Variants in ACVR2B observed in about 807,000 individuals in gnomAD.
ACVR2B encodes activin receptor type-2B.
In ACVR2B, 18 loss-of-function variants were observed where a neutral mutation model predicts 65.1. The observed-to-expected ratio is 0.28, with a 90% CI of 0.19 to 0.41. The LOEUF (loss-of-function observed/expected upper bound fraction) is 0.41. Ranked by LOEUF, ACVR2B falls within the 10% of genes least tolerant of loss-of-function variation. ACVR2B has a pLI of 1.00. For synonymous variants in ACVR2B, 298 were observed against 277.7 expected (o/e 1.07, Z -0.73); for missense variants, 482 against 682.7 (o/e 0.71, Z 3.28).
intron 1 of ACVR2B, among the ~76,000 whole-genome samples, chr3:38,455,240 CAGT>C (rs951983370): frequency 1.1e-4 from 16 of 152,254 alleles, no homozygotes; most frequent in Admixed American, 6.5e-4. Flanking sequence ...TTCCCTCTCT[CAGT>C]GGTGCCGGGG....
Position 38,477,235 on chromosome 3 carries a change from G to A in ACVR2B, c.53-52G>A, listed in dbSNP as rs1709926958. On this transcript the variant is annotated intron_variant, in intron 1 of 10. Transcript: ENST00000352511. This position sits in a 1 kb window ranked among gnomAD's most constrained non-coding sequence, Gnocchi z 6.7. ...CACCCAGGACTGGGAGTAGGGGTTT[G>A]GGTGGTGGTCCCAGGGGCATGCTCA... The A allele has an allele frequency of 3.4e-5, 55 of 1,604,044 alleles. No homozygotes were observed. The South Asian group carries it at 5.9e-4, about 17-fold the overall frequency.
intron 1 of ACVR2B, among the ~76,000 whole-genome samples, chr3:38,471,263 A>C (rs488830): frequency 6.6e-6 from 1 of 152,224 alleles, no homozygotes; most frequent in Admixed American, 6.5e-5. Context: ...AGATACAAAC[A>C]AACAGTTCTC....
intron 1 of ACVR2B, among the ~76,000 whole-genome samples, chr3:38,464,280 A>G (rs1709694915): frequency 6.6e-6 from 1 of 152,240 alleles, no homozygotes; most frequent in Admixed American, 6.5e-5. Flanking sequence ...CTTGCTTAAT[A>G]CTGCCCATGG....
chr3:38,483,421 C>A lies in ACVR2B; in HGVS notation c.*89C>A. The stretch of plus-strand genomic sequence containing the variant: ...TTTTGTTTTGGAAATCCCATAAAAC[C>A]AACAAACACATAAAATGCAGCTGCT... On this transcript the variant is annotated 3_prime_UTR_variant, in exon 11 of 11. Coordinates refer to ENST00000352511, the MANE Select transcript of ACVR2B (RefSeq NM_001106.4). This position sits in a 1 kb window ranked among gnomAD's most constrained non-coding sequence, Gnocchi z 4.8. 2 of 1,237,600 alleles carry A rather than the reference C, an allele frequency of 1.6e-6. No homozygotes were observed. Among genetic ancestry groups the A allele is most frequent in the Non-Finnish European group, 1.2e-6 (1 of 849,882 alleles). 76.7% of individuals were successfully genotyped at this position (1,237,600 alleles called of 1,614,324 possible).
At chr3:38,454,454 A>G in intron 1 of ACVR2B, 80 bp downstream of exon 1, 3 of 1,162,372 alleles carry the variant, frequency 2.6e-6, no homozygotes, top group Non-Finnish European at 3.2e-6. Flanking sequence ...TTACCAACAA[A>G]GGGCGGGCCC....
rs1019078349 is a variant in ACVR2B at position 38,484,164 on chromosome 3, T to C, written c.*832T>C. 6.6e-6 allele frequency: 1 copy of C among 152,618 alleles called. No homozygotes were observed. The highest frequency in any genetic ancestry group is 2.4e-5 in the African/African-American group (1 of 41,438). The allele number at this position is 152,618 out of a possible 1,614,324, so 9.5% of individuals were successfully genotyped here. On this transcript the variant is annotated 3_prime_UTR_variant, in exon 11 of 11. Transcript: ENST00000352511. ...AGATTGGGTGCAGCCCTGACTTACC[T>C]GCTGGCCCTGACCAGTTTCTTTTCA...
chr3:38,490,831 T>G lies in ACVR2B; in HGVS notation c.*7499T>G, dbSNP rs1187632857. 6.5e-6 allele frequency: 1 copy of G among 152,694 alleles called. No homozygotes were observed. Among genetic ancestry groups the G allele is most frequent in the Non-Finnish European group, 1.5e-5 (1 of 68,080 alleles). 9.5% of individuals were successfully genotyped at this position (152,694 alleles called of 1,614,324 possible). A position where few individuals can be genotyped will look rare whatever the true frequency, so the allele number is the denominator to read the frequency against. On this transcript the variant is annotated 3_prime_UTR_variant, in exon 11 of 11. Transcript: ENST00000352511. ...TCCCAAGGACTGAAGAAAGGGCTTC[T>G]GGCAAGCTCGTCATGGCATTGTGGT... is the stretch of plus-strand genomic sequence containing the variant.
At chr3:38,475,110 C>T (rs1232552228) in intron 1 of ACVR2B, 2 of 152,320 alleles carry the variant, frequency 1.3e-5, no homozygotes. Context: ...CAGGGTGCTT[C>T]GAATAACCCA....
rs1167113813 is a variant in ACVR2B at position 38,489,830 on chromosome 3, G to C, written c.*6498G>C. On this transcript the variant is annotated 3_prime_UTR_variant, in exon 11 of 11. Transcript: ENST00000352511. ...GAATTATCTAAGATCACATTATCCAGGTTGGGGGGCAGAATTACCCAGTTA... is the reference window on the plus strand; with the variant it reads ...GAATTATCTAAGATCACATTATCCACGTTGGGGGGCAGAATTACCCAGTTA... The C allele has an allele frequency of 6.6e-6, 1 of 152,200 alleles. No homozygotes were observed. Among genetic ancestry groups the C allele is most frequent in the African/African-American group, 2.4e-5 (1 of 41,442 alleles). 9.4% of individuals were successfully genotyped at this position (152,200 alleles called of 1,614,324 possible). A position where few individuals can be genotyped will look rare whatever the true frequency, so the allele number is the denominator to read the frequency against.
intron 1 of ACVR2B, chr3:38,476,946 G>A (rs1401829503): frequency 2.4e-6 from 1 of 417,464 alleles, no homozygotes; most frequent in Non-Finnish European, 4.4e-6. Context: ...GGAGCCTCAG[G>A]TGTTGGTGCC....
Position 38,484,892 on chromosome 3 carries a change from G to A in ACVR2B, c.*1560G>A, listed in dbSNP as rs1710088067. On this transcript the variant is annotated 3_prime_UTR_variant, in exon 11 of 11. Coordinates refer to ENST00000352511, the MANE Select transcript of ACVR2B (RefSeq NM_001106.4). ...GTAAGTTGGCTTTTGTGACAAGGAA[G>A]TTTAAAAGAAATAGAGAAAAAGAAA... The A allele has an allele frequency of 6.6e-6, 1 of 152,626 alleles. No homozygotes were observed. Among genetic ancestry groups the A allele is most frequent in the East Asian group, 1.9e-4 (1 of 5,200 alleles). 9.5% of individuals were successfully genotyped at this position (152,626 alleles called of 1,614,324 possible). A position where few individuals can be genotyped will look rare whatever the true frequency, so the allele number is the denominator to read the frequency against.
At position 38,489,746 on chromosome 3, in the gene ACVR2B, A is replaced by T. The variant is rs1412171268; in HGVS notation, c.*6414A>T. 1 of 152,548 alleles carries T rather than the reference A, an allele frequency of 6.6e-6. No homozygotes were observed. Among genetic ancestry groups the T allele is most frequent in the Non-Finnish European group, 1.5e-5 (1 of 68,046 alleles). The allele number at this position is 152,548 out of a possible 1,614,324, so 9.4% of individuals were successfully genotyped here. On this transcript the variant is annotated 3_prime_UTR_variant, in exon 11 of 11. Coordinates refer to ENST00000352511, the MANE Select transcript of ACVR2B (RefSeq NM_001106.4). Reference sequence around the variant, plus strand: ...ATTGGGGTGGGATGGGACTCGAATAAGATTCAGGTACAAAAACTTTGAAAT... The same window carrying T: ...ATTGGGGTGGGATGGGACTCGAATATGATTCAGGTACAAAAACTTTGAAAT...
intron 1 of ACVR2B, among the ~76,000 whole-genome samples, chr3:38,463,438 G>T (rs1709681572): frequency 1.3e-5 from 2 of 152,208 alleles, no homozygotes; most frequent in Admixed American, 6.5e-5. Context: ...AGCTTTTCAT[G>T]ACAGAAGGAG....
chr3:38,483,315 A>C lies in ACVR2B; in HGVS notation c.1522A>C (p.Lys508Gln). 1 of 1,614,098 alleles carries C rather than the reference A, an allele frequency of 6.2e-7. No individual in the cohort carries two copies. Among genetic ancestry groups the C allele is most frequent in the African/African-American group, 1.3e-5 (1 of 75,026 alleles). ...TSVTNVDLPP[K>Q]ESSI ...TGTCACCAATGTGGACCTGCCCCCT[A>C]AAGAGTCAAGCATCTAAGCCCAGGA... The change falls in exon 11 of 11, where the codon AAA (lysine) becomes CAA (glutamine). Residue 508 changes from lysine to glutamine, a missense_variant. Physicochemically the swap from Lys to Gln is moderately conservative, Grantham distance 53. Around this residue, in one of 5 missense-constraint regions of ACVR2B, gnomAD observed 38 missense variants for 29.3 expected, o/e 1.30. Coordinates refer to ENST00000352511, the MANE Select transcript of ACVR2B (RefSeq NM_001106.4). This position sits in a 1 kb window ranked among gnomAD's most constrained non-coding sequence, Gnocchi z 4.8.
Position 38,489,069 on chromosome 3 carries a change from G to C in ACVR2B, c.*5737G>C, listed in dbSNP as rs1195638419. 6.6e-6 allele frequency: 1 copy of C among 152,352 alleles called. No individual in the cohort carries two copies. The highest frequency in any genetic ancestry group is 2.4e-5 in the African/African-American group (1 of 41,436). 9.4% of individuals were successfully genotyped at this position (152,352 alleles called of 1,614,324 possible). On this transcript the variant is annotated 3_prime_UTR_variant, in exon 11 of 11. Transcript: ENST00000352511. Reference sequence around the variant, plus strand: ...ACCCACAAGTTTTTCAGGCAGGTGAGGATGGGTCTTCTTGCAAATGCATGA... The same window carrying C: ...ACCCACAAGTTTTTCAGGCAGGTGACGATGGGTCTTCTTGCAAATGCATGA...
rs115907825 is a variant in ACVR2B, at chr3:38,490,711, G to T, written c.*7379G>T. On this transcript the variant is annotated 3_prime_UTR_variant, in exon 11 of 11. Transcript: ENST00000352511. Reference sequence around the variant, plus strand: ...GTTACCTCAGACCTCATGTTGAACAGTGTCGCCATCTGGGTCCTCTTGATA... The same window carrying T: ...GTTACCTCAGACCTCATGTTGAACATTGTCGCCATCTGGGTCCTCTTGATA... The T allele has an allele frequency of 1.3e-5, 2 of 152,584 alleles. No homozygotes were observed. Among genetic ancestry groups the T allele is most frequent in the African/African-American group, 2.4e-5 (1 of 41,404 alleles). 9.5% of individuals were successfully genotyped at this position (152,584 alleles called of 1,614,324 possible). A position where few individuals can be genotyped will look rare whatever the true frequency, so the allele number is the denominator to read the frequency against.
At chr3:38,478,587 C>A in intron 5 of ACVR2B, 69 bp downstream of exon 5, 1 of 1,607,210 alleles carries the variant, frequency 6.2e-7, no homozygotes, top group Non-Finnish European at 8.5e-7. Flanking sequence ...GCTCTCCTGA[C>A]CTGGGGCAAT....
In ACVR2B at chr3:38,486,078, T is replaced by C. The variant is rs1710115083; in HGVS notation, c.*2746T>C. ...AGGGAGGGTTGAGCCATGGTTCTGGTGTGGGACTTTGCGGTCAAGACACAG... is the reference window on the plus strand; with the variant it reads ...AGGGAGGGTTGAGCCATGGTTCTGGCGTGGGACTTTGCGGTCAAGACACAG... On this transcript the variant is annotated 3_prime_UTR_variant, in exon 11 of 11. Transcript: ENST00000352511. 6.6e-6 allele frequency: 1 copy of C among 152,356 alleles called. No homozygotes were observed. Among genetic ancestry groups the C allele is most frequent in the African/African-American group, 2.4e-5 (1 of 41,442 alleles). The allele number at this position is 152,356 out of a possible 1,614,324, so 9.4% of individuals were successfully genotyped here. A position where few individuals can be genotyped will look rare whatever the true frequency, so the allele number is the denominator to read the frequency against.
In ACVR2B at chr3:38,454,303, G is replaced by A. The variant is rs945280883; in HGVS notation, c.-20G>A. The A allele has an allele frequency of 3.2e-6, 4 of 1,268,094 alleles. No individual in the cohort carries two copies. In the East Asian group the frequency reaches 1.3e-4, roughly 41 times the overall value. The allele number at this position is 1,268,094 out of a possible 1,614,324, so 78.6% of individuals were successfully genotyped here. On this transcript the variant is annotated 5_prime_UTR_variant, in exon 1 of 11. Transcript: ENST00000352511. ...CCCTGCCCGCGGGCTCCGGGTGTGC[G>A]CGGGGCGGCGCCGCGGAACATGACG...
Sources: allele counts gnomAD v4.1 joint callset (sites outside exome capture counted in the v4.1 genomes callset), GRCh38; gene constraint gnomAD v4.1.1; regional missense constraint gnomAD v4.1.1; non-coding constraint Gnocchi (gnomAD v3.1); transcripts MANE v1.5; gene names NCBI Gene and HGNC (gene_info 2026-07-23, HGNC 2026-07-21).